Variants in MARF1 observed in about 807,000 individuals in gnomAD.
The protein encoded by MARF1 is limkain-b1.
Under a neutral mutation model 168.2 loss-of-function variants are expected in MARF1, and 24 were observed. The observed-to-expected ratio is 0.14, with a 90% CI of 0.10 to 0.20. MARF1 has a LOEUF of 0.20. MARF1 is among the 10% of genes least tolerant of loss of function. MARF1 has a pLI of 1.00. For synonymous variants in MARF1, 868 were observed against 822.4 expected (o/e 1.06, Z -0.95); for missense variants, 1,744 against 2,143.6 (o/e 0.81, Z 3.68).
At chr16:15,636,590 G>A (rs1049664964) in intron 2 of MARF1, among the ~76,000 whole-genome samples, 15 of 152,108 alleles carry the variant, frequency 9.9e-5, no homozygotes, top group Admixed American at 8.5e-4. Context: ...AACAGACTGG[G>A]GTGGGAGGGC....
chr16:15,606,546 C>CT (rs2033030312), intron 21 of MARF1, among the ~76,000 whole-genome samples: 1 of 152,142 alleles, frequency 6.6e-6, no homozygotes, highest in Non-Finnish European at 1.5e-5. Flanking sequence ...CCTCTCCTCT[C>CT]TCTCTCTAAG....
intron 6 of MARF1, 146 bp from the exon 7 acceptor site, chr16:15,630,650 C>T (rs755214189): frequency 5.1e-6 from 3 of 590,154 alleles, no homozygotes; most frequent in African/African-American, 1.9e-5. Flanking sequence ...GAAAGAAACA[C>T]GTTTCACATC....
In MARF1 at chr16:15,611,732, A is replaced by T. The variant is rs2033577758; in HGVS notation, c.3477T>A (p.Ile1159=). The T allele has an allele frequency of 6.2e-7, 1 of 1,613,644 alleles. No individual in the cohort carries two copies. Among genetic ancestry groups the T allele is most frequent in the Admixed American group, 1.7e-5 (1 of 59,906 alleles). Residue 1159 remains isoleucine, a splice_region_variant and synonymous_variant, in exon 18 of 27, where the codon ATT becomes ATA. Transcript: ENST00000396368. The stretch of plus-strand genomic sequence containing the variant: ...GCAGACGTTTGGAGCCCATTCCAAG[A>T]ATCTGCAAAGCAAATAGTTTATTTA... ...LLEAVPHVLQ[I]LGMGSKRLLT...
intron 21 of MARF1, among the ~76,000 whole-genome samples, chr16:15,606,765 C>A (rs957934778): frequency 1.8e-4 from 28 of 152,290 alleles, no homozygotes; most frequent in African/African-American, 6.7e-4. Context: ...CATCTTCTCT[C>A]TCTAGACAGA....
At chr16:15,629,087 T>G (rs1269783259) in intron 7 of MARF1, among the ~76,000 whole-genome samples, 3 of 150,336 alleles carry the variant, frequency 2.0e-5, no homozygotes, top group Non-Finnish European at 4.4e-5. Flanking sequence ...CAGGCTGGAG[T>G]GCAGTGGCGC....
In MARF1 at chr16:15,611,747, TA is replaced by T; in HGVS notation, c.3475-14del. 1 of 1,613,476 alleles carries T rather than the reference TA, an allele frequency of 6.2e-7. No individual in the cohort carries two copies. The highest frequency in any genetic ancestry group is 8.5e-7 in the Non-Finnish European group (1 of 1,179,654). ...CCATTCCAAGAATCTGCAAAGCAAA[TA>T]GTTTATTTATACACATAAGACCTCA... On this transcript the variant is annotated splice_polypyrimidine_tract_variant and intron_variant, in intron 17 of 26. Transcript: ENST00000396368.
At position 15,608,522 on chromosome 16, in the gene MARF1, T is replaced by C; in HGVS notation, c.3955-4A>G. 6.2e-7 allele frequency: 1 copy of C among 1,604,830 alleles called. No homozygotes were observed. The highest frequency in any genetic ancestry group is 8.5e-7 in the Non-Finnish European group (1 of 1,171,944). ...TTTCTTCTCCACATTCCAATACCTT[T>C]GAAAACACACGGGGGGAGGAAAGGG... On this transcript the variant is annotated splice_polypyrimidine_tract_variant and splice_region_variant and intron_variant, in intron 20 of 26. Coordinates refer to ENST00000396368, the MANE Select transcript of MARF1 (RefSeq NM_014647.4).
At position 15,634,743 on chromosome 16, in the gene MARF1, A is replaced by G. The variant is rs768481168; in HGVS notation, c.1006+14T>C. The G allele has an allele frequency of 1.4e-5, 23 of 1,607,242 alleles. No homozygotes were observed. The highest frequency in any genetic ancestry group is 1.9e-5 in the Non-Finnish European group (22 of 1,176,908). ...TATTTAAATATGCACATTTTATGCCATACTGTCATTTACCAAATTTTGAAG... is the reference window on the plus strand; with the variant it reads ...TATTTAAATATGCACATTTTATGCCGTACTGTCATTTACCAAATTTTGAAG... On this transcript the variant is annotated intron_variant, in intron 4 of 26. Coordinates refer to ENST00000396368, the MANE Select transcript of MARF1 (RefSeq NM_014647.4).
At chr16:15,642,262 T>C (rs1298013734) in intron 1 of MARF1, among the ~76,000 whole-genome samples, 1 of 152,152 alleles carries the variant, frequency 6.6e-6, no homozygotes, top group Non-Finnish European at 1.5e-5. Context: ...TTAGCTTATT[T>C]TATTATCTTT....
chr16:15,599,204 A>T, intron 25 of MARF1, 180 bp from the exon 26 acceptor site: 1 of 637,894 alleles, frequency 1.6e-6, no homozygotes, highest in Non-Finnish European at 2.7e-6. Flanking sequence ...TAACAGGAAG[A>T]TCCTGGTAAT....
In MARF1 at chr16:15,604,174, C is replaced by G. The variant is rs769525367; in HGVS notation, c.4407G>C (p.Leu1469Phe). 15 of 1,611,728 alleles carry G rather than the reference C, an allele frequency of 9.3e-6. No homozygotes were observed. The highest frequency in any genetic ancestry group is 1.3e-5 in the Non-Finnish European group (15 of 1,177,824). Reference sequence around the variant, plus strand: ...GAGCCATTAACGTGCCTACCTCAACCAAGTATGGCAGGCTCTTCAGCAGTT... The same window carrying G: ...GAGCCATTAACGTGCCTACCTCAACGAAGTATGGCAGGCTCTTCAGCAGTT... ...LTELLKSLPY[L>F]VEVFTNDKME... is the part of the protein sequence containing the mutation. Residue 1469 changes from leucine to phenylalanine, a missense_variant, in exon 22 of 27, where the codon TTG (leucine) becomes TTC (phenylalanine). This residue lies in a region of MARF1 where 9 missense variants were observed against 27.7 expected (regional missense o/e 0.32). Coordinates refer to ENST00000396368, the MANE Select transcript of MARF1 (RefSeq NM_014647.4).
At chr16:15,598,372 T>A (rs1360058411) in intron 26 of MARF1, among the ~76,000 whole-genome samples, 2 of 152,188 alleles carry the variant, frequency 1.3e-5, no homozygotes, top group Non-Finnish European at 2.9e-5. Context: ...TGCACTAGGC[T>A]GGGACTCAGT....
chr16:15,626,960 T>TG (rs1555528249), intron 7 of MARF1, among the ~76,000 whole-genome samples: 5,164 of 55,030 alleles, frequency 0.094, 175 homozygotes, highest in African/African-American at 0.24. Flanking sequence ...CGAGATTCTG[T>TG]GAAAAAAAAA....
intron 15 of MARF1, 163 bp downstream of exon 15, chr16:15,616,889 T>C: frequency 2.0e-6 from 2 of 983,782 alleles, no homozygotes; most frequent in Admixed American, 2.5e-5. Flanking sequence ...TTGGCCAAAA[T>C]TTTGTTATGT....
rs765414011 is a variant in MARF1 at position 15,639,261 on chromosome 16, T to C, written c.-28A>G. ...AGCCATGCAAAGTGATTCAACATCC[T>C]TTCATCTTTCTTTTCTTTCATTCTT... On this transcript the variant is annotated 5_prime_UTR_variant, in exon 2 of 27. Coordinates refer to ENST00000396368, the MANE Select transcript of MARF1 (RefSeq NM_014647.4). 9 of 1,595,158 alleles carry C rather than the reference T, an allele frequency of 5.6e-6. No individual in the cohort carries two copies. In the South Asian group the frequency reaches 9.0e-5, roughly 16 times the overall value.
At chr16:15,605,825 A>G (rs1437853760) in intron 21 of MARF1, 1 of 152,288 alleles carries the variant, frequency 6.6e-6, no homozygotes, top group African/African-American at 2.4e-5. Context: ...CTCACACCCC[A>G]GCTGCCCACC....
chr16:15,599,171 A>AAC (rs1555519159), intron 25 of MARF1, 147 bp from the exon 26 acceptor site: 102 of 782,982 alleles, frequency 1.3e-4, no homozygotes, highest in African/African-American at 1.0e-3. Flanking sequence ...AAAAAAAAAA[A>AAC]AAAACAAAAA....
chr16:15,609,757 A>T (rs1272516973), intron 19 of MARF1, 32 bp from the exon 20 acceptor site: 14 of 1,581,414 alleles, frequency 8.9e-6, no homozygotes, highest in Non-Finnish European at 1.2e-5. Context: ...ATAAAATCAC[A>T]GTTTTTTTCT....
At chr16:15,631,567 ATATTTTT>A in intron 5 of MARF1, 69 bp from the exon 6 acceptor site, 2 of 1,084,050 alleles carry the variant, frequency 1.8e-6, no homozygotes, top group Non-Finnish European at 2.7e-6. Context: ...CATTCTGCCC[ATATTTTT>A]TATTTTTTAA....
Sources: gnomAD v4.1 joint callset for allele counts (sites outside exome capture counted in the v4.1 genomes callset) on GRCh38, gnomAD v4.1.1 for gene constraint, gnomAD v4.1.1 regional missense constraint, MANE v1.5 for transcripts, NCBI Gene and HGNC (gene_info 2026-07-23, HGNC 2026-07-21) for gene names.